The following NRP1 variants were observed in gnomAD, a reference collection of about 807,000 sequenced individuals.
NRP1 encodes the protein neuropilin-1.
Under a neutral mutation model 106.7 loss-of-function variants are expected in NRP1, and 35 were observed. The ratio of observed to expected loss-of-function variants is 0.33; its 90% CI spans 0.25 to 0.43. The LOEUF is 0.43. Ranked by LOEUF, NRP1 falls within the 20% of genes least tolerant of loss-of-function variation. The pLI is 1.00. For missense variants in NRP1, 1,024 were observed against 1,170.4 expected (o/e 0.87, Z 1.83); for synonymous variants, 437 against 417.9 (o/e 1.05, Z -0.56).
Position 33,278,219 on chromosome 10 carries a change from C to T in NRP1, c.249-7363G>A, listed in dbSNP as rs1843854936. Among the ~76,000 whole-genome samples, 3 of 151,986 alleles carry T rather than the reference C, an allele frequency of 2.0e-5. 1 individual carries two copies. Among genetic ancestry groups the T allele is most frequent in the Admixed American group, 2.0e-4 (3 of 15,256 alleles). On this transcript the variant is annotated intron_variant, in intron 2 of 16. Transcript: ENST00000374867. ...GGGTAGGAGAGTGATTATTTGGTAG[C>T]CTTTCCATTTCCCCACCATTGAACT...
intron 6 of NRP1, among the ~76,000 whole-genome samples, chr10:33,231,714 A>T (rs1420306803): frequency 6.6e-6 from 1 of 152,168 alleles, no homozygotes; most frequent in Non-Finnish European, 1.5e-5. Context: ...CCGTACAGAC[A>T]GGTATCATGC....
intron 2 of NRP1, among the ~76,000 whole-genome samples, chr10:33,294,280 G>A (rs892647873): frequency 1.1e-4 from 16 of 152,134 alleles, no homozygotes; most frequent in African/African-American, 3.6e-4. Context: ...GTGCATCACT[G>A]TTCTTCATGG....
At chr10:33,251,271 TC>T (rs386742803) in intron 6 of NRP1, among the ~76,000 whole-genome samples, 2,001 of 152,280 alleles carry the variant, frequency 0.013, 53 homozygotes, top group African/African-American at 0.046. Flanking sequence ...ATCTTAACTT[TC>T]CTGCTTCCCC....
chr10:33,182,256 T>C (rs897909489), intron 16 of NRP1, among the ~76,000 whole-genome samples: 7 of 152,146 alleles, frequency 4.6e-5, no homozygotes, highest in Non-Finnish European at 7.4e-5. Flanking sequence ...TCTCAGAAAT[T>C]GGGCTCTGGT....
chr10:33,302,601 G>C (rs912368538), intron 2 of NRP1, among the ~76,000 whole-genome samples: 1 of 152,214 alleles, frequency 6.6e-6, no homozygotes, highest in Admixed American at 6.5e-5. Flanking sequence ...GAAGTTGCAG[G>C]AGAAGTAAGT....
chr10:33,264,128 T>A (rs138742317), intron 3 of NRP1, among the ~76,000 whole-genome samples: 322 of 152,306 alleles, frequency 2.1e-3, no homozygotes, highest in Non-Finnish European at 3.5e-3. Context: ...GGGAAAAATA[T>A]GACAAATATA....
intron 2 of NRP1, among the ~76,000 whole-genome samples, chr10:33,318,094 A>C (rs965397832): frequency 1.3e-5 from 2 of 152,164 alleles, no homozygotes; most frequent in Admixed American, 6.5e-5. Context: ...TTCCATCTAC[A>C]TTAGCTCATC....
chr10:33,223,131 G>C (rs1346125358), intron 7 of NRP1, among the ~76,000 whole-genome samples: 1 of 152,220 alleles, frequency 6.6e-6, no homozygotes, highest in Non-Finnish European at 1.5e-5. Context: ...CTTTTAGGCT[G>C]CATAACTGGA....
chr10:33,233,756 T>C (rs1319158843), intron 6 of NRP1, among the ~76,000 whole-genome samples: 1 of 152,130 alleles, frequency 6.6e-6, no homozygotes, highest in South Asian at 2.1e-4. Flanking sequence ...AGGAAAATAT[T>C]TTTTGAGGGG....
At chr10:33,213,211 T>G (rs1410267422) in intron 9 of NRP1, 175 bp downstream of exon 9, 1 of 1,525,122 alleles carries the variant, frequency 6.6e-7, no homozygotes, top group Non-Finnish European at 8.9e-7. Context: ...AGACATCACT[T>G]TTCATGCCAT....
intron 6 of NRP1, among the ~76,000 whole-genome samples, chr10:33,227,274 G>C (rs969696062): frequency 2.0e-5 from 3 of 152,152 alleles, no homozygotes; most frequent in African/African-American, 7.2e-5. Context: ...GAGAGGCCTG[G>C]ACTTGAATTC....
chr10:33,231,928 C>T (rs1840167479), intron 6 of NRP1, among the ~76,000 whole-genome samples: 1 of 152,064 alleles, frequency 6.6e-6, no homozygotes, highest in African/African-American at 2.4e-5. Flanking sequence ...CACTAAACAA[C>T]CTATTATGTT....
chr10:33,213,151 C>T (rs1838447056), intron 9 of NRP1: 1 of 1,194,658 alleles, frequency 8.4e-7, no homozygotes, highest in Admixed American at 2.4e-5. Flanking sequence ...CTGTCCATCC[C>T]TACAGCCAGG....
intron 3 of NRP1, among the ~76,000 whole-genome samples, chr10:33,264,977 G>A (rs112286543): frequency 0.11 from 16,827 of 151,908 alleles, 1,075 homozygotes; most frequent in Middle Eastern, 0.21. Context: ...GGGCGTGGTC[G>A]TGGGCACCTG....
chr10:33,275,235 A>G (rs1488496054), intron 2 of NRP1, among the ~76,000 whole-genome samples: 2 of 152,206 alleles, frequency 1.3e-5, no homozygotes, highest in Non-Finnish European at 2.9e-5. Flanking sequence ...AATCTGTTCT[A>G]AGCGAACAAC....
intron 15 of NRP1, among the ~76,000 whole-genome samples, chr10:33,185,155 C>T (rs139428042): frequency 1.1e-4 from 17 of 152,336 alleles, no homozygotes; most frequent in Admixed American, 1.1e-3. Flanking sequence ...AAGTCAGAAA[C>T]ATCTACTTGT....
At chr10:33,180,445 A>G in intron 16 of NRP1, 80 bp from the exon 17 acceptor site, 7 of 1,379,932 alleles carry the variant, frequency 5.1e-6, no homozygotes, top group Non-Finnish European at 6.9e-6. Flanking sequence ...GAAAGGAACG[A>G]AACAGGAGCA....
intron 7 of NRP1, 94 bp downstream of exon 7, chr10:33,226,040 A>G: frequency 7.3e-7 from 1 of 1,373,182 alleles, no homozygotes. Flanking sequence ...TCAAAAATAA[A>G]CCAGGCCAGA....
In NRP1 at chr10:33,249,455, A is replaced by C. The variant is rs773628198; in HGVS notation, c.981+4573T>G. 4.7e-5 allele frequency: 25 copies of C among 526,822 alleles called. 1 individual carries two copies. Among genetic ancestry groups the C allele is most frequent in the Non-Finnish European group, 9.3e-5 (24 of 256,908 alleles). 32.6% of individuals were successfully genotyped at this position (526,822 alleles called of 1,614,324 possible). The stretch of plus-strand genomic sequence containing the variant: ...TTTTATTTTATAGGAAAAGAAACTC[A>C]GTTTCAATGAGCTTAATGGCCTGGG... On this transcript the variant is annotated intron_variant, in intron 6 of 16. Transcript: ENST00000374867.
Sources: allele counts gnomAD v4.1 joint callset (sites outside exome capture counted in the v4.1 genomes callset), GRCh38; gene constraint gnomAD v4.1.1; transcripts MANE v1.5; gene names NCBI Gene and HGNC (gene_info 2026-07-23, HGNC 2026-07-21).